PDE11A: variants seen among roughly 807,000 people sequenced by gnomAD.
PDE11A encodes the protein dual 3',5'-cyclic-AMP and -GMP phosphodiesterase 11A.
PDE11A carries 100 observed loss-of-function variants against 100.5 expected under a neutral mutation model. The observed-to-expected ratio is 1.00, with a 90% CI of 0.85 to 1.18. The LOEUF is 1.18. PDE11A is among the 50% of genes most tolerant of loss of function. PDE11A has a pLI of 0.00. For missense variants in PDE11A, 1,141 were observed against 1,152.6 expected (o/e 0.99, Z 0.15); for synonymous variants, 381 against 420.8 (o/e 0.91, Z 1.16).
At chr2:177,937,937 G>A (rs1483931823) in intron 2 of PDE11A, among the ~76,000 whole-genome samples, 1 of 152,158 alleles carries the variant, frequency 6.6e-6, no homozygotes, top group Admixed American at 6.5e-5. Flanking sequence ...CAATGCAAAA[G>A]ACAAAAGGAC....
chr2:177,637,999 T>TATATATATATATA (rs1559120768), intron 19 of PDE11A, among the ~76,000 whole-genome samples: 84 of 35,342 alleles, frequency 2.4e-3, no homozygotes, highest in African/African-American at 8.3e-3. Context: ...ATATATATAT[T>TATATATATATATA]TTTTTTTTTT....
At chr2:177,648,284 T>C (rs925701510) in intron 19 of PDE11A, among the ~76,000 whole-genome samples, 8 of 152,196 alleles carry the variant, frequency 5.3e-5, no homozygotes, top group Admixed American at 2.0e-4. Flanking sequence ...TTATTGTGGC[T>C]CTTCTTTAAC....
At chr2:177,780,549 C>A (rs751563231) in intron 9 of PDE11A, among the ~76,000 whole-genome samples, 2 of 152,222 alleles carry the variant, frequency 1.3e-5, no homozygotes, top group African/African-American at 2.4e-5. Flanking sequence ...TCCTAGATGG[C>A]ATCTTCTTCC....
chr2:177,632,382 C>G (rs1225090604), intron 19 of PDE11A, among the ~76,000 whole-genome samples: 1 of 152,162 alleles, frequency 6.6e-6, no homozygotes. Flanking sequence ...AGGGTTGACA[C>G]CAGGACCTTT....
chr2:178,030,200 G>A (rs1368017043), intron 1 of PDE11A, among the ~76,000 whole-genome samples: 1 of 151,948 alleles, frequency 6.6e-6, no homozygotes, highest in Non-Finnish European at 1.5e-5. Context: ...AAAAAATCAG[G>A]AATAAAATGG....
intron 5 of PDE11A, among the ~76,000 whole-genome samples, chr2:177,860,142 G>C (rs1035169816): frequency 8.6e-5 from 13 of 150,664 alleles, no homozygotes; most frequent in Non-Finnish European, 1.9e-4. Flanking sequence ...CTAGAGAACA[G>C]AAAACAATAG....
At chr2:177,971,368 C>T (rs2085768409) in intron 2 of PDE11A, among the ~76,000 whole-genome samples, 1 of 152,134 alleles carries the variant, frequency 6.6e-6, no homozygotes, top group South Asian at 2.1e-4. Context: ...GATATTAGAA[C>T]TCATGAGGGC....
At chr2:177,835,165 T>C (rs950843367) in intron 6 of PDE11A, among the ~76,000 whole-genome samples, 5 of 152,240 alleles carry the variant, frequency 3.3e-5, no homozygotes, top group African/African-American at 1.2e-4. Context: ...GACTTGAAGA[T>C]ACAAGGACAG....
At chr2:177,854,159 T>C (rs1346481184) in intron 5 of PDE11A, among the ~76,000 whole-genome samples, 2 of 151,968 alleles carry the variant, frequency 1.3e-5, no homozygotes, top group Non-Finnish European at 2.9e-5. Context: ...GGCTACTTTA[T>C]TATGCTTGAT....
intron 2 of PDE11A, among the ~76,000 whole-genome samples, chr2:177,909,445 C>T (rs989722414): frequency 5.9e-5 from 9 of 152,124 alleles, no homozygotes; most frequent in South Asian, 4.1e-4. Flanking sequence ...ATATGCAGCC[C>T]GTACACTAAA....
chr2:177,714,121 G>A (rs1467251329), intron 12 of PDE11A, among the ~76,000 whole-genome samples: 6 of 149,086 alleles, frequency 4.0e-5, no homozygotes, highest in South Asian at 2.2e-4. Flanking sequence ...AGCCTCCTGA[G>A]TAGCTGGGAC....
intron 6 of PDE11A, among the ~76,000 whole-genome samples, chr2:177,832,186 T>G (rs2083321302): frequency 6.6e-6 from 1 of 152,100 alleles, no homozygotes. Context: ...TAATACTGAG[T>G]GTTAACTTGA....
At chr2:178,093,982 A>G (rs2087456887) in intron 2 of PDE11A, among the ~76,000 whole-genome samples, 1 of 152,212 alleles carries the variant, frequency 6.6e-6, no homozygotes, top group South Asian at 2.1e-4. Flanking sequence ...ATAAACGCTC[A>G]GGTATATGTT....
chr2:177,906,195 ACG>A (rs2084784976), intron 2 of PDE11A, among the ~76,000 whole-genome samples: 2 of 152,136 alleles, frequency 1.3e-5, no homozygotes, highest in South Asian at 2.1e-4. Context: ...GCACGCACGC[ACG>A]CACGCACACA....
chr2:177,936,151 C>T (rs79969678), intron 2 of PDE11A, among the ~76,000 whole-genome samples: 1,737 of 152,226 alleles, frequency 0.011, 27 homozygotes, highest in East Asian at 0.074. Context: ...AAAAGGAAAG[C>T]GCCTGTTTTA....
At chr2:177,716,203 CT>C (rs2081434631) in intron 12 of PDE11A, among the ~76,000 whole-genome samples, 1 of 152,178 alleles carries the variant, frequency 6.6e-6, no homozygotes, top group Admixed American at 6.5e-5. Context: ...GGCAAATACT[CT>C]GGTTATGGCA....
intron 1 of PDE11A, among the ~76,000 whole-genome samples, chr2:178,060,600 T>C (rs376467525): frequency 2.2e-4 from 34 of 152,294 alleles, no homozygotes; most frequent in African/African-American, 7.7e-4. Context: ...CCCTTGGATA[T>C]GGTGGAACTG....
chr2:177,818,631 A>G (rs28496693), intron 7 of PDE11A, among the ~76,000 whole-genome samples: 3,145 of 152,242 alleles, frequency 0.021, 124 homozygotes, highest in African/African-American at 0.072. Flanking sequence ...ACAAGCAATA[A>G]AAGTTGATAT....
At chr2:177,682,965 T>C (rs2080886528) in intron 15 of PDE11A, among the ~76,000 whole-genome samples, 1 of 128,986 alleles carries the variant, frequency 7.8e-6, no homozygotes, top group African/African-American at 3.2e-5. Context: ...CATCATGACA[T>C]ATAATTTATG....
Sources: gnomAD v4.1 joint callset for allele counts (sites outside exome capture counted in the v4.1 genomes callset) on GRCh38, gnomAD v4.1.1 for gene constraint, MANE v1.5 for transcripts, NCBI Gene and HGNC (gene_info 2026-07-23, HGNC 2026-07-21) for gene names.